CRB1: variants seen among roughly 807,000 people sequenced by gnomAD.
The protein encoded by CRB1 is crumbs cell polarity complex component 1.
In CRB1, 83 loss-of-function variants were observed where a neutral mutation model predicts 120.0. The ratio of observed to expected loss-of-function variants is 0.69; its 90% CI spans 0.58 to 0.83. The LOEUF is 0.83. Ranked by LOEUF, CRB1 falls within the 40% of genes least tolerant of loss-of-function variation. The pLI, the probability that CRB1 is intolerant of heterozygous loss-of-function variation, is 0.00. For missense variants in CRB1, 1,699 were observed against 1,687.6 expected, an observed-to-expected ratio of 1.01 and a Z score of -0.12; for synonymous variants, 625 against 612.5, an observed-to-expected ratio of 1.02 and a Z score of -0.30.
In CRB1 at chr1:197,344,138, T is replaced by A. The variant is rs185670228; in HGVS notation, c.653-143T>A. ...CCCACAAGCACACCAAAAGTTAATA[T>A]CAATTACAATTAAGGGGGAAAGTTA... On this transcript the variant is annotated intron_variant, in intron 2 of 11. Coordinates refer to ENST00000367400, the MANE Select transcript of CRB1 (RefSeq NM_201253.3). 441 of 834,884 alleles carry A rather than the reference T, an allele frequency of 5.3e-4. 1 individual carries two copies. Among genetic ancestry groups the A allele is most frequent in the Middle Eastern group, 3.3e-3 (11 of 3,324 alleles). The allele number at this position is 834,884 out of a possible 1,614,324, so 51.7% of individuals were successfully genotyped here. A position where few individuals can be genotyped will look rare whatever the true frequency, so the allele number is the denominator to read the frequency against.
chr1:197,215,862 T>C, the CRB1 span, among the ~76,000 whole-genome samples: 2 of 152,234 alleles, frequency 1.3e-5, no homozygotes, highest in East Asian at 1.9e-4. Context: ...AATCCAGTCA[T>C]ACATCATTTA....
intron 4 of CRB1, among the ~76,000 whole-genome samples, chr1:197,356,314 A>T (rs1471820896): frequency 6.6e-6 from 1 of 152,212 alleles, no homozygotes; most frequent in Non-Finnish European, 1.5e-5. Context: ...ATCATGTTTT[A>T]CTGTTCTTAT....
chr1:197,358,006 TA>T (rs1660581070), intron 5 of CRB1: 1 of 152,186 alleles, frequency 6.6e-6, no homozygotes, highest in South Asian at 2.1e-4. Flanking sequence ...CACCCTAGTT[TA>T]AAAAATGCAT....
At chr1:197,211,864 A>G in the CRB1 span, among the ~76,000 whole-genome samples, 2 of 152,114 alleles carry the variant, frequency 1.3e-5, no homozygotes, top group African/African-American at 2.4e-5. Flanking sequence ...CACATTGGTG[A>G]AAGACATTTG....
chr1:197,292,873 A>T (rs538295486), intron 1 of CRB1, among the ~76,000 whole-genome samples: 1 of 152,120 alleles, frequency 6.6e-6, no homozygotes, highest in African/African-American at 2.4e-5. Flanking sequence ...CTTCATGCTA[A>T]AAAAACTCTC....
At chr1:197,346,005 G>T (rs990208047) in intron 3 of CRB1, among the ~76,000 whole-genome samples, 5 of 152,052 alleles carry the variant, frequency 3.3e-5, no homozygotes, top group Non-Finnish European at 7.4e-5. Context: ...AGGCCTCCTA[G>T]AGGAAAAGGA....
intron 1 of CRB1, among the ~76,000 whole-genome samples, chr1:197,277,328 C>T (rs1411833347): frequency 6.6e-6 from 1 of 151,952 alleles, no homozygotes; most frequent in East Asian, 1.9e-4. Flanking sequence ...CTTTTCTCTA[C>T]ATTCAGAATT....
At chr1:197,405,061 T>A (rs1278550786) in intron 5 of CRB1, among the ~76,000 whole-genome samples, 3 of 151,584 alleles carry the variant, frequency 2.0e-5, no homozygotes, top group South Asian at 2.1e-4. Context: ...TCCCTCTCCC[T>A]CTCCCTCTCC....
chr1:197,350,106 CAAA>C (rs551040523), intron 4 of CRB1, among the ~76,000 whole-genome samples: 17 of 65,736 alleles, frequency 2.6e-4, no homozygotes, highest in Non-Finnish European at 5.5e-4. Context: ...GACTCCGTCT[CAAA>C]AAAAAAAAAA....
chr1:197,226,662 T>G, the CRB1 span, among the ~76,000 whole-genome samples: 2 of 152,018 alleles, frequency 1.3e-5, no homozygotes, highest in Admixed American at 1.3e-4. Flanking sequence ...AGAGACAAGA[T>G]TCTCTCTCTC....
the CRB1 span, among the ~76,000 whole-genome samples, chr1:197,259,565 A>C: frequency 2.0e-5 from 3 of 152,154 alleles, no homozygotes; most frequent in Non-Finnish European, 2.9e-5. Context: ...ATCAGGACAA[A>C]TAGCTAATAC....
At chr1:197,209,301 CT>C in the CRB1 span, among the ~76,000 whole-genome samples, 1 of 152,074 alleles carries the variant, frequency 6.6e-6, no homozygotes, top group African/African-American at 2.4e-5. Flanking sequence ...TGGAAGTTTC[CT>C]TCTCTTGCCA....
intron 5 of CRB1, among the ~76,000 whole-genome samples, chr1:197,382,483 T>G (rs112690386): frequency 6.6e-6 from 1 of 152,328 alleles, no homozygotes; most frequent in East Asian, 1.9e-4. Context: ...CATCCAGTAA[T>G]TTATTTATTT....
At chr1:197,476,953 G>A (rs1283297972) in intron 11 of CRB1, among the ~76,000 whole-genome samples, 2 of 152,126 alleles carry the variant, frequency 1.3e-5, no homozygotes, top group African/African-American at 2.4e-5. Flanking sequence ...CAAACACATC[G>A]GAATTAACAT....
the CRB1 span, among the ~76,000 whole-genome samples, chr1:197,227,711 G>A: frequency 1.3e-5 from 2 of 152,024 alleles, no homozygotes; most frequent in Admixed American, 6.5e-5. Context: ...TCCTAGTGGA[G>A]CCCCCACACA....
intron 3 of CRB1, among the ~76,000 whole-genome samples, chr1:197,346,378 G>A (rs1011787266): frequency 6.6e-6 from 1 of 151,946 alleles, no homozygotes; most frequent in Non-Finnish European, 1.5e-5. Context: ...AGCCAGCCAA[G>A]CCCTTTGGCA....
At chr1:197,271,869 G>A (rs1654928380) in intron 1 of CRB1, among the ~76,000 whole-genome samples, 1 of 151,962 alleles carries the variant, frequency 6.6e-6, no homozygotes, top group Non-Finnish European at 1.5e-5. Flanking sequence ...GCCACATCGA[G>A]ATTAATTTAA....
chr1:197,290,981 A>T (rs1656142171), intron 1 of CRB1, among the ~76,000 whole-genome samples: 1 of 151,826 alleles, frequency 6.6e-6, no homozygotes, highest in Non-Finnish European at 1.5e-5. Flanking sequence ...TGGCTTTCAA[A>T]ATGAGAAATG....
At chr1:197,339,125 T>C (rs767629464) in intron 2 of CRB1, among the ~76,000 whole-genome samples, 9 of 152,254 alleles carry the variant, frequency 5.9e-5, no homozygotes, top group Non-Finnish European at 1.2e-4. Context: ...GCCAGAAATC[T>C]CATTGGCTAA....
Sources: allele counts gnomAD v4.1 joint callset (sites outside exome capture counted in the v4.1 genomes callset), GRCh38; gene constraint gnomAD v4.1.1; transcripts MANE v1.5; gene names NCBI Gene and HGNC (gene_info 2026-07-23, HGNC 2026-07-21).